Variants in SLC39A11 observed in about 807,000 individuals in gnomAD.
SLC39A11 encodes the protein zinc transporter ZIP11.
Under a neutral mutation model 36.1 loss-of-function variants are expected in SLC39A11, and 33 were observed. The observed-to-expected ratio is 0.91, with a 90% CI of 0.69 to 1.22. The LOEUF (loss-of-function observed/expected upper bound fraction) is 1.22, where lower values mean the gene tolerates loss of function less well. Among genes scored for constraint, SLC39A11 ranks in the 50% most tolerant of loss-of-function variants. The pLI is 0.00. For synonymous variants in SLC39A11, 166 were observed against 170.3 expected (o/e 0.97, Z 0.20); for missense variants, 432 against 430.3 (o/e 1.00, Z -0.03).
intron 6 of SLC39A11, among the ~76,000 whole-genome samples, chr17:72,831,503 A>G (rs1389368826): frequency 6.6e-6 from 1 of 152,216 alleles, no homozygotes; most frequent in Non-Finnish European, 1.5e-5. Context: ...GAAGCCAGTG[A>G]TATCACAACT....
intron 5 of SLC39A11, among the ~76,000 whole-genome samples, chr17:72,920,110 T>C (rs2083568623): frequency 1.3e-5 from 2 of 152,118 alleles, no homozygotes; most frequent in Admixed American, 6.5e-5. Context: ...AATAAATTTA[T>C]GATTTCTCTG....
chr17:73,005,945 C>T (rs182993360), intron 4 of SLC39A11, among the ~76,000 whole-genome samples: 92 of 151,658 alleles, frequency 6.1e-4, no homozygotes, highest in South Asian at 4.8e-3. Context: ...AGCAAGACTC[C>T]GACTCAAAAA....
In SLC39A11 at chr17:72,877,751, G is replaced by A. The variant is rs933241554; in HGVS notation, c.431-27947C>T. Among the ~76,000 whole-genome samples, 7 of 152,134 alleles carry A rather than the reference G, an allele frequency of 4.6e-5. No individual in the cohort carries two copies. In the East Asian group the frequency reaches 1.2e-3, roughly 25 times the overall value. On this transcript the variant is annotated intron_variant, in intron 5 of 9. Transcript: ENST00000255559. ...CGGGGACAGCGTGCTTTACTCTGGC[G>A]CCTCAGGTCCAGAGCACGTGATGGC...
At chr17:72,992,735 T>C (rs2089256579) in intron 4 of SLC39A11, among the ~76,000 whole-genome samples, 1 of 152,172 alleles carries the variant, frequency 6.6e-6, no homozygotes, top group Admixed American at 6.5e-5. Context: ...AAAATACTAA[T>C]GCTAAAAAAT....
chr17:73,007,707 AACG>A (rs1390161232), intron 4 of SLC39A11, among the ~76,000 whole-genome samples: 2 of 152,196 alleles, frequency 1.3e-5, no homozygotes, highest in Non-Finnish European at 2.9e-5. Context: ...CCAGGAGGAG[AACG>A]GTGAACGAAG....
intron 1 of SLC39A11, among the ~76,000 whole-genome samples, chr17:73,091,312 C>A (rs911474217): frequency 6.6e-6 from 1 of 151,834 alleles, no homozygotes; most frequent in East Asian, 1.9e-4. Flanking sequence ...CCTGTAGTCC[C>A]AGTGCCTGTA....
At chr17:72,837,811 A>G in intron 6 of SLC39A11, 1 of 532,144 alleles carries the variant, frequency 1.9e-6, no homozygotes, top group Non-Finnish European at 2.8e-6. Context: ...ATTACATGAT[A>G]CCGTTTAAAT....
intron 3 of SLC39A11, among the ~76,000 whole-genome samples, chr17:73,042,236 T>A (rs1004919991): frequency 4.6e-5 from 7 of 152,118 alleles, no homozygotes; most frequent in Non-Finnish European, 7.4e-5. Flanking sequence ...CAAAACAAAA[T>A]TTTTCTCGTA....
At chr17:73,022,983 C>A (rs1435122313) in intron 4 of SLC39A11, among the ~76,000 whole-genome samples, 1 of 152,176 alleles carries the variant, frequency 6.6e-6, no homozygotes, top group Non-Finnish European at 1.5e-5. Flanking sequence ...CTTTCTCAAC[C>A]CTCCCCAAGC....
intron 3 of SLC39A11, among the ~76,000 whole-genome samples, chr17:73,048,747 C>T (rs1568187280): frequency 6.6e-6 from 1 of 152,192 alleles, no homozygotes; most frequent in Non-Finnish European, 1.5e-5. Context: ...ATTCTCAGCA[C>T]AAAAACTGGC....
At chr17:72,861,670 T>TATATC (rs902199536) in intron 5 of SLC39A11, among the ~76,000 whole-genome samples, 2 of 108,476 alleles carry the variant, frequency 1.8e-5, no homozygotes, top group African/African-American at 7.6e-5. Context: ...TATATATATA[T>TATATC]ATATATATAT....
chr17:73,011,069 G>GC (rs2090481578), intron 4 of SLC39A11, among the ~76,000 whole-genome samples: 1 of 83,850 alleles, frequency 1.2e-5, no homozygotes, highest in Non-Finnish European at 2.9e-5. Flanking sequence ...CCACCTTCAG[G>GC]CCCCCGGTAC....
chr17:72,879,845 G>A (rs940772580), intron 5 of SLC39A11, among the ~76,000 whole-genome samples: 2 of 152,148 alleles, frequency 1.3e-5, no homozygotes, highest in Non-Finnish European at 2.9e-5. Flanking sequence ...ATGCCACCTG[G>A]TCTGAAGACC....
At chr17:73,067,947 C>A in intron 3 of SLC39A11, 17 of 1,601,116 alleles carry the variant, frequency 1.1e-5, no homozygotes, top group Non-Finnish European at 1.5e-5. Flanking sequence ...GTTCCAACTT[C>A]TTGGTCTGGG....
chr17:72,708,853 G>A (rs938632871), intron 7 of SLC39A11, among the ~76,000 whole-genome samples: 1 of 152,090 alleles, frequency 6.6e-6, no homozygotes, highest in Admixed American at 6.5e-5. Context: ...TTGCTTCTGC[G>A]GCAGCACACT....
chr17:72,649,076 T>C (rs2069723787), intron 8 of SLC39A11, 94 bp downstream of exon 8: 1 of 1,538,680 alleles, frequency 6.5e-7, no homozygotes, highest in South Asian at 1.2e-5. Context: ...ACGTCATATC[T>C]GAGCATGGCA....
chr17:72,970,567 C>A (rs115601284), intron 4 of SLC39A11, among the ~76,000 whole-genome samples: 7,667 of 151,980 alleles, frequency 0.05, 646 homozygotes, highest in African/African-American at 0.17. Flanking sequence ...GCTACACACA[C>A]AAAAAAAACC....
At chr17:72,673,838 C>T (rs368582797) in intron 7 of SLC39A11, among the ~76,000 whole-genome samples, 230 of 152,056 alleles carry the variant, frequency 1.5e-3, no homozygotes, top group African/African-American at 5.0e-3. Context: ...CTGAGGTGGG[C>T]GGATCACTTG....
chr17:72,774,477 T>C (rs190518997), intron 6 of SLC39A11, among the ~76,000 whole-genome samples: 1 of 152,174 alleles, frequency 6.6e-6, no homozygotes, highest in Non-Finnish European at 1.5e-5. Context: ...TACAAAACAG[T>C]AGCTCCAGAG....
Sources: gnomAD v4.1 joint callset for allele counts (sites outside exome capture counted in the v4.1 genomes callset) on GRCh38, gnomAD v4.1.1 for gene constraint, MANE v1.5 for transcripts, NCBI Gene and HGNC (gene_info 2026-07-23, HGNC 2026-07-21) for gene names.